The following BCAS3 variants were observed in gnomAD, a reference collection of about 807,000 sequenced individuals.
The protein encoded by BCAS3 is BCAS3 microtubule associated cell migration factor, also known as BCAS4/BCAS3 fusion.
A neutral mutation model predicts 116.1 loss-of-function variants in BCAS3; 53 were observed. The observed-to-expected ratio is 0.46, with a 90% CI of 0.37 to 0.57. The LOEUF is 0.57. Among genes scored for constraint, BCAS3 ranks in the 20% least tolerant of loss-of-function variants. The probability of loss-of-function intolerance (pLI) is 0.00; values close to 1 mark genes in which losing one functional copy is unlikely to be tolerated. For synonymous variants in BCAS3, 391 were observed against 408.2 expected (o/e 0.96, Z 0.51); for missense variants, 917 against 1,165.4 (o/e 0.79, Z 3.10).
rs752213705 is a variant in BCAS3 at position 61,380,591 on chromosome 17, T to C, written c.2594-11386T>C. 1.9e-6 allele frequency: 3 copies of C among 1,594,748 alleles called. No individual in the cohort carries two copies. Among genetic ancestry groups the C allele is most frequent in the South Asian group, 2.2e-5 (2 of 90,852 alleles). ...GTTTTGGTATGTAACGTCCTATCTT[T>C]GCCTATGTGGAAGGGGTTGTCCCGT... On this transcript the variant is annotated intron_variant, in intron 23 of 23. Transcript: ENST00000407086. The surrounding 1 kb of genome is among the most constrained non-coding windows in gnomAD (Gnocchi z 4.2).
chr17:60,957,317 A>G (rs1229904873), intron 14 of BCAS3, among the ~76,000 whole-genome samples: 4 of 152,192 alleles, frequency 2.6e-5, no homozygotes, highest in African/African-American at 9.6e-5. Flanking sequence ...AGTGTTATTA[A>G]CTGATAACTA....
chr17:61,098,066 T>C lies in BCAS3; in HGVS notation c.2425+13502T>C, dbSNP rs2074092677. Among the ~76,000 whole-genome samples, 1 of 152,208 alleles carries C rather than the reference T, an allele frequency of 6.6e-6. No homozygotes were observed. The highest frequency in any genetic ancestry group is 1.5e-5 in the Non-Finnish European group (1 of 68,026). On this transcript the variant is annotated intron_variant, in intron 22 of 23. Transcript: ENST00000407086. The surrounding 1 kb of genome is among the most constrained non-coding windows in gnomAD (Gnocchi z 4.2). The stretch of plus-strand genomic sequence containing the variant: ...GGTCATTGGCTTTCCATTCCTGGCA[T>C]TGATATGACTGAAAATTCTTAATGT...
At chr17:61,114,860 C>A (rs1362705460) in intron 22 of BCAS3, among the ~76,000 whole-genome samples, 1 of 151,434 alleles carries the variant, frequency 6.6e-6, no homozygotes, top group Non-Finnish European at 1.5e-5. Context: ...CTACAGTAAC[C>A]AAAACAGCAT....
intron 19 of BCAS3, among the ~76,000 whole-genome samples, chr17:61,044,465 A>AAAAAAAAAAAAAAAAAATATAT: frequency 3.3e-5 from 4 of 120,118 alleles, no homozygotes; most frequent in African/African-American, 2.0e-4. Flanking sequence ...AAAAAAAAAA[A>AAAAAAAAAAAAAAAAAATATAT]ATATATATAT....
chr17:61,387,176 G>C lies in BCAS3; in HGVS notation c.2594-4801G>C, dbSNP rs576830347. ...CCCTCCGCATTTCACCCCTCCCGGG[G>C]AGTCTGCTGCCCGTCAACTCACAGC... On this transcript the variant is annotated intron_variant, in intron 23 of 23. Coordinates refer to ENST00000407086, the MANE Select transcript of BCAS3 (RefSeq NM_017679.5). This position sits in a 1 kb window ranked among gnomAD's most constrained non-coding sequence, Gnocchi z 6.2. Among the ~76,000 whole-genome samples the C allele has an allele frequency of 7.9e-5, 12 of 152,324 alleles. No homozygotes were observed. The East Asian group carries it at 1.9e-3, about 25-fold the overall frequency.
In BCAS3 at chr17:61,317,465, C is replaced by T. The variant is rs549857426; in HGVS notation, c.2426-50862C>T. On this transcript the variant is annotated intron_variant, in intron 22 of 23. Transcript: ENST00000407086. ...TTTGTAGGGCTGGGCTGAGTCAAGC[C>T]GGGAGAACCAGACAGTTCCTGGTGT... Among the ~76,000 whole-genome samples, 7 of 152,302 alleles carry T rather than the reference C, an allele frequency of 4.6e-5. No individual in the cohort carries two copies. The South Asian group carries it at 8.3e-4, about 18-fold the overall frequency.
intron 19 of BCAS3, among the ~76,000 whole-genome samples, chr17:61,059,324 C>T (rs550096484): frequency 4.6e-5 from 7 of 151,916 alleles, no homozygotes; most frequent in East Asian, 1.9e-4. Flanking sequence ...CCTCATGATC[C>T]GCCTGCCTTG....
intron 22 of BCAS3, among the ~76,000 whole-genome samples, chr17:61,334,718 G>C (rs969466339): frequency 1.4e-5 from 2 of 146,720 alleles, no homozygotes; most frequent in Non-Finnish European, 3.0e-5. Context: ...TCCAGTCATT[G>C]AGCCAATGTC....
At chr17:60,902,278 A>T (rs1334278985) in intron 10 of BCAS3, among the ~76,000 whole-genome samples, 3 of 152,210 alleles carry the variant, frequency 2.0e-5, no homozygotes, top group Non-Finnish European at 4.4e-5. Flanking sequence ...TAAGTTAGGA[A>T]GTCATGTGTA....
At position 61,339,671 on chromosome 17, in the gene BCAS3, C is replaced by T. The variant is rs1339076692; in HGVS notation, c.2426-28656C>T. Among the ~76,000 whole-genome samples the T allele has an allele frequency of 6.6e-6, 1 of 151,746 alleles. No individual in the cohort carries two copies. The highest frequency in any genetic ancestry group is 1.5e-5 in the Non-Finnish European group (1 of 67,998). On this transcript the variant is annotated intron_variant, in intron 22 of 23. Coordinates refer to ENST00000407086, the MANE Select transcript of BCAS3 (RefSeq NM_017679.5). The surrounding 1 kb of genome is among the most constrained non-coding windows in gnomAD (Gnocchi z 4.4). ...ATCCCAGCTACTCGGGAGGCTGAGG[C>T]AGGAGAATCGCTCGAACCTAGGAGG...
intron 22 of BCAS3, among the ~76,000 whole-genome samples, chr17:61,238,703 C>G (rs2144490349): frequency 6.6e-6 from 1 of 152,194 alleles, no homozygotes; most frequent in South Asian, 2.1e-4. Flanking sequence ...TCCCAGTTTC[C>G]ACGGGGTGTC....
chr17:60,753,631 G>T (rs946671274), intron 6 of BCAS3, among the ~76,000 whole-genome samples: 26 of 151,990 alleles, frequency 1.7e-4, no homozygotes, highest in African/African-American at 5.5e-4. Flanking sequence ...GGATGGTCTC[G>T]ATCACCTGAC....
At chr17:61,299,232 C>T (rs985492436) in intron 22 of BCAS3, among the ~76,000 whole-genome samples, 3 of 151,654 alleles carry the variant, frequency 2.0e-5, no homozygotes, top group Non-Finnish European at 2.9e-5. Flanking sequence ...TCACGAGGTC[C>T]GGAGATTGAG....
At chr17:60,693,108 T>A (rs2035086260) in intron 4 of BCAS3, among the ~76,000 whole-genome samples, 1 of 151,728 alleles carries the variant, frequency 6.6e-6, no homozygotes, top group African/African-American at 2.4e-5. Flanking sequence ...ACTCCTGACC[T>A]CAGGTCATCT....
chr17:60,689,629 T>G, intron 3 of BCAS3, 57 bp from the exon 4 acceptor site: 1 of 1,293,648 alleles, frequency 7.7e-7, no homozygotes, highest in South Asian at 1.3e-5. Context: ...GTTTTGAACA[T>G]CAGTAATATT....
chr17:60,693,085 A>G (rs2035083835), intron 4 of BCAS3, among the ~76,000 whole-genome samples: 1 of 151,814 alleles, frequency 6.6e-6, no homozygotes, highest in African/African-American at 2.4e-5. Flanking sequence ...CATGTTGGCC[A>G]GGCTGATCTT....
At chr17:60,948,845 T>A (rs142533178) in intron 14 of BCAS3, among the ~76,000 whole-genome samples, 128 of 152,280 alleles carry the variant, frequency 8.4e-4, no homozygotes, top group African/African-American at 3.0e-3. Context: ...ATCAAGTAGT[T>A]GATGAGGGAA....
At chr17:60,784,648 A>G (rs917992196) in intron 6 of BCAS3, among the ~76,000 whole-genome samples, 7 of 151,648 alleles carry the variant, frequency 4.6e-5, no homozygotes, top group African/African-American at 1.7e-4. Flanking sequence ...TGTGTTGCTC[A>G]GGCTGGTCTT....
Position 61,084,645 on chromosome 17 carries a change from A to G in BCAS3, c.2425+81A>G. ...TTTCTCGCACAATGTAGAGGATGAC[A>G]TTTATTTGCTTTCCTCTCTGTTTTT... On this transcript the variant is annotated intron_variant, in intron 22 of 23. Transcript: ENST00000407086. The surrounding 1 kb of genome is among the most constrained non-coding windows in gnomAD (Gnocchi z 5.5). 1.7e-6 allele frequency: 2 copies of G among 1,166,194 alleles called. No individual in the cohort carries two copies. The highest frequency in any genetic ancestry group is 2.5e-6 in the Non-Finnish European group (2 of 793,314). The allele number at this position is 1,166,194 out of a possible 1,614,324, so 72.2% of individuals were successfully genotyped here. A position where few individuals can be genotyped will look rare whatever the true frequency, so the allele number is the denominator to read the frequency against.
Sources: allele counts gnomAD v4.1 joint callset (sites outside exome capture counted in the v4.1 genomes callset), GRCh38; gene constraint gnomAD v4.1.1; non-coding constraint Gnocchi (gnomAD v3.1); transcripts MANE v1.5; gene names NCBI Gene and HGNC (gene_info 2026-07-23, HGNC 2026-07-21).